Variants in IMPG1 observed in about 807,000 individuals in gnomAD.
The protein encoded by IMPG1 is interphotoreceptor matrix proteoglycan 1.
In IMPG1, 85 loss-of-function variants were observed where a neutral mutation model predicts 92.0. The ratio of observed to expected loss-of-function variants is 0.92; its 90% CI spans 0.78 to 1.11. IMPG1 has a LOEUF of 1.11. Ranked by LOEUF, IMPG1 falls within the 50% of genes least tolerant of loss-of-function variation. The pLI is 0.00. For missense variants in IMPG1, 1,022 were observed against 956.0 expected, an observed-to-expected ratio of 1.07 and a Z score of -0.91; for synonymous variants, 367 against 334.1, an observed-to-expected ratio of 1.10 and a Z score of -1.08.
At chr6:76,047,545 AAT>A (rs988559133) in intron 1 of IMPG1, among the ~76,000 whole-genome samples, 3 of 152,248 alleles carry the variant, frequency 2.0e-5, no homozygotes, top group African/African-American at 7.2e-5. Flanking sequence ...ATTTGTTGTA[AAT>A]ATATGAGTTT....
chr6:75,931,252 AT>A (rs954166668), intron 14 of IMPG1, 101 bp from the exon 15 acceptor site: 18 of 1,070,104 alleles, frequency 1.7e-5, no homozygotes, highest in Non-Finnish European at 2.1e-5. Flanking sequence ...CTATTACCTC[AT>A]TTTGGAGTGG....
chr6:76,053,906 T>C (rs1259492172), intron 1 of IMPG1, among the ~76,000 whole-genome samples: 1 of 152,106 alleles, frequency 6.6e-6, no homozygotes, highest in Non-Finnish European at 1.5e-5. Context: ...AAAAGAATGA[T>C]ATTCTAACTA....
chr6:75,960,895 C>T (rs1782203785), intron 12 of IMPG1, among the ~76,000 whole-genome samples: 1 of 152,056 alleles, frequency 6.6e-6, no homozygotes, highest in Non-Finnish European at 1.5e-5. Flanking sequence ...AGTGTGTTTA[C>T]GTGTATGTGT....
intron 12 of IMPG1, among the ~76,000 whole-genome samples, chr6:75,965,563 T>G (rs890825885): frequency 3.3e-5 from 5 of 151,920 alleles, no homozygotes; most frequent in Admixed American, 2.6e-4. Context: ...TACTGGAATT[T>G]TTAATTGTTA....
chr6:76,066,149 A>C (rs1784306771), intron 1 of IMPG1, among the ~76,000 whole-genome samples: 1 of 152,138 alleles, frequency 6.6e-6, no homozygotes, highest in African/African-American at 2.4e-5. Context: ...AGGTGTTATA[A>C]AAGTACACAA....
intron 12 of IMPG1, among the ~76,000 whole-genome samples, chr6:75,978,100 G>T (rs1782569439): frequency 6.6e-6 from 1 of 151,692 alleles, no homozygotes; most frequent in Non-Finnish European, 1.5e-5. Context: ...GATCCCCAAA[G>T]GTTTTAGTAA....
chr6:75,951,196 G>T, intron 12 of IMPG1, 102 bp from the exon 13 acceptor site: 1 of 816,538 alleles, frequency 1.2e-6, no homozygotes, highest in Non-Finnish European at 1.9e-6. Flanking sequence ...AAAATACATA[G>T]CATTTGCGTA....
intron 12 of IMPG1, among the ~76,000 whole-genome samples, chr6:75,975,326 C>G (rs1198524362): frequency 6.6e-6 from 1 of 152,152 alleles, no homozygotes; most frequent in Admixed American, 6.5e-5. Flanking sequence ...AAAGTCAGTT[C>G]TGATCAGGAC....
chr6:75,994,717 G>T (rs533092079), intron 12 of IMPG1, among the ~76,000 whole-genome samples: 1 of 152,220 alleles, frequency 6.6e-6, no homozygotes, highest in Admixed American at 6.5e-5. Context: ...CCTCTGGGTG[G>T]GTCCCTCCCA....
intron 2 of IMPG1, among the ~76,000 whole-genome samples, chr6:76,040,566 C>G (rs1783817956): frequency 6.6e-6 from 1 of 152,172 alleles, no homozygotes; most frequent in Non-Finnish European, 1.5e-5. Flanking sequence ...TGGCTAGTAC[C>G]TGCTCTGTGG....
intron 12 of IMPG1, among the ~76,000 whole-genome samples, chr6:75,992,194 A>AC (rs1466296050): frequency 6.6e-6 from 1 of 152,220 alleles, no homozygotes; most frequent in Non-Finnish European, 1.5e-5. Flanking sequence ...TCAAAGTGCA[A>AC]CTTTCCCTGG....
At chr6:75,931,241 G>A (rs1781664737) in intron 14 of IMPG1, 90 bp from the exon 15 acceptor site, 1 of 1,198,558 alleles carries the variant, frequency 8.3e-7, no homozygotes, top group Non-Finnish European at 1.2e-6. Flanking sequence ...AAATACATTT[G>A]CTATTACCTC....
intron 14 of IMPG1, among the ~76,000 whole-genome samples, chr6:75,945,871 C>T (rs866983179): frequency 2.6e-5 from 4 of 152,252 alleles, no homozygotes; most frequent in South Asian, 2.1e-4. Flanking sequence ...TCCCTACAGC[C>T]GCACACCTGG....
At chr6:75,986,909 A>G (rs554808771) in intron 12 of IMPG1, among the ~76,000 whole-genome samples, 1 of 152,230 alleles carries the variant, frequency 6.6e-6, no homozygotes, top group Non-Finnish European at 1.5e-5. Context: ...TGTACCTTTC[A>G]TATATAATGA....
chr6:75,974,420 CCTTCCTTG>C lies in IMPG1; in HGVS notation c.1292-23334_1292-23327del, dbSNP rs1421472264. On this transcript the variant is annotated intron_variant, in intron 12 of 16. Coordinates refer to ENST00000369950, the MANE Select transcript of IMPG1 (RefSeq NM_001563.4). ...TCTTTCTTTCCTTCCTTCCTTCCTT[CCTTCCTTG>C]CTTCCTTCCTTCCTTCCTTCCTTCT... 1.9e-4 allele frequency among the ~76,000 whole-genome samples: 26 copies of C among 134,600 alleles called. 1 individual carries two copies. Among genetic ancestry groups the C allele is most frequent in the African/African-American group, 6.6e-4 (24 of 36,160 alleles). 88.3% of individuals were successfully genotyped at this position (134,600 alleles called of 152,430 possible). A position where few individuals can be genotyped will look rare whatever the true frequency, so the allele number is the denominator to read the frequency against.
intron 12 of IMPG1, among the ~76,000 whole-genome samples, chr6:75,970,258 A>T (rs370933457): frequency 9.2e-5 from 14 of 152,188 alleles, no homozygotes; most frequent in African/African-American, 3.4e-4. Context: ...TGCGTAATTA[A>T]GAGAGGCAGC....
chr6:76,026,497 C>G (rs1167400784), intron 4 of IMPG1, among the ~76,000 whole-genome samples: 3 of 152,182 alleles, frequency 2.0e-5, no homozygotes, highest in African/African-American at 7.2e-5. Flanking sequence ...TGAGCAGCAG[C>G]TCCCCGCTGC....
intron 1 of IMPG1, among the ~76,000 whole-genome samples, chr6:76,066,065 T>C (rs1387738214): frequency 1.3e-5 from 2 of 151,982 alleles, no homozygotes; most frequent in African/African-American, 2.4e-5. Flanking sequence ...CTATGAGAAA[T>C]GCTCAAGGGA....
intron 12 of IMPG1, among the ~76,000 whole-genome samples, chr6:75,989,069 C>T (rs1782770624): frequency 6.6e-6 from 1 of 152,298 alleles, no homozygotes; most frequent in South Asian, 2.1e-4. Context: ...CCAGTTCTCT[C>T]AGCTGTAACA....
Sources: allele counts gnomAD v4.1 joint callset (sites outside exome capture counted in the v4.1 genomes callset), GRCh38; gene constraint gnomAD v4.1.1; transcripts MANE v1.5; gene names NCBI Gene and HGNC (gene_info 2026-07-23, HGNC 2026-07-21).